Variants in CMIP observed in about 807,000 individuals in gnomAD.
CMIP encodes the protein C-Maf-inducing protein.
A neutral mutation model predicts 97.3 loss-of-function variants in CMIP; 13 were observed. That is an observed-to-expected ratio of 0.13 (90% CI 0.09 to 0.21). CMIP has a LOEUF of 0.21. CMIP is among the 10% of genes least tolerant of loss of function. The pLI is 1.00. For synonymous variants in CMIP, 538 were observed against 436.3 expected, an observed-to-expected ratio of 1.23 and a Z score of -2.91; for missense variants, 847 against 1,024.9, an observed-to-expected ratio of 0.83 and a Z score of 2.37.
At chr16:81,483,738 G>C (rs1204963413) in intron 1 of CMIP, among the ~76,000 whole-genome samples, 4 of 152,138 alleles carry the variant, frequency 2.6e-5, no homozygotes, top group African/African-American at 9.7e-5. Context: ...CCCTCCTCCA[G>C]CTATCCTCAG....
chr16:81,605,555 T>C (rs2091729055), intron 1 of CMIP, among the ~76,000 whole-genome samples: 1 of 152,166 alleles, frequency 6.6e-6, no homozygotes, highest in South Asian at 2.1e-4. Context: ...CCTACCAGCC[T>C]CTCCAGGAGT....
intron 1 of CMIP, among the ~76,000 whole-genome samples, chr16:81,568,067 G>T: frequency 7.3e-6 from 1 of 137,212 alleles, no homozygotes; most frequent in Non-Finnish European, 1.5e-5. Context: ...TTTTGAAGCT[G>T]GAAGAAACTG....
chr16:81,549,170 C>A (rs2090606192), intron 1 of CMIP, among the ~76,000 whole-genome samples: 1 of 152,204 alleles, frequency 6.6e-6, no homozygotes, highest in Non-Finnish European at 1.5e-5. Flanking sequence ...ACAAACCAGA[C>A]CCTAAGTGCA....
intron 3 of CMIP, among the ~76,000 whole-genome samples, chr16:81,646,887 A>C (rs189736878): frequency 2.0e-4 from 30 of 152,308 alleles, no homozygotes; most frequent in Admixed American, 1.5e-3. Flanking sequence ...TGATGAATTT[A>C]AGTTGTTTCT....
At chr16:81,605,124 A>G (rs981374156) in intron 1 of CMIP, among the ~76,000 whole-genome samples, 2 of 152,208 alleles carry the variant, frequency 1.3e-5, no homozygotes, top group African/African-American at 4.8e-5. Context: ...AGTGCTCAGG[A>G]CAAGACATAC....
chr16:81,547,735 TG>T (rs2090574745), intron 1 of CMIP, among the ~76,000 whole-genome samples: 1 of 152,064 alleles, frequency 6.6e-6, no homozygotes, highest in African/African-American at 2.4e-5. Flanking sequence ...CTCTTCCCTT[TG>T]GGGAAGTGCA....
At chr16:81,657,319 C>T (rs1002191716) in intron 4 of CMIP, among the ~76,000 whole-genome samples, 3 of 152,174 alleles carry the variant, frequency 2.0e-5, no homozygotes, top group African/African-American at 4.8e-5. Flanking sequence ...AAATCATATA[C>T]GTGTTACTCC....
chr16:81,685,298 C>G (rs1597247947), intron 10 of CMIP, among the ~76,000 whole-genome samples: 2 of 152,200 alleles, frequency 1.3e-5, no homozygotes, highest in African/African-American at 4.8e-5. Context: ...AGGCTTCTGT[C>G]CAGACCCCGC....
chr16:81,495,823 G>C lies in CMIP; in HGVS notation c.300+50282G>C, dbSNP rs540971768. Among the ~76,000 whole-genome samples the C allele has an allele frequency of 2.6e-5, 4 of 151,642 alleles. No homozygotes were observed. In the Middle Eastern group the frequency reaches 0.014, roughly 516 times the overall value. On this transcript the variant is annotated intron_variant, in intron 1 of 20. Transcript: ENST00000537098. Reference sequence around the variant, plus strand: ...ATCTGCTGGCCTCCCTTAGTGACTTGGCTGTTGGCTGTCATTTTCTTTCCA... The same window carrying C: ...ATCTGCTGGCCTCCCTTAGTGACTTCGCTGTTGGCTGTCATTTTCTTTCCA...
At chr16:81,642,146 G>T (rs2092313818) in intron 3 of CMIP, among the ~76,000 whole-genome samples, 1 of 152,262 alleles carries the variant, frequency 6.6e-6, no homozygotes, top group Non-Finnish European at 1.5e-5. Flanking sequence ...TCAGAACCCA[G>T]TGTGCGTGCT....
At chr16:81,497,374 C>A (rs1188194149) in intron 1 of CMIP, among the ~76,000 whole-genome samples, 1 of 152,164 alleles carries the variant, frequency 6.6e-6, no homozygotes, top group Admixed American at 6.5e-5. Context: ...ACTTGGGGCT[C>A]AGTGAGGTTG....
At chr16:81,560,632 A>C (rs895584066) in intron 1 of CMIP, among the ~76,000 whole-genome samples, 3 of 152,208 alleles carry the variant, frequency 2.0e-5, no homozygotes, top group Admixed American at 1.3e-4. Context: ...TCACTCACTC[A>C]CCCACCCAGA....
chr16:81,467,778 G>A (rs909464604), intron 1 of CMIP, among the ~76,000 whole-genome samples: 3 of 150,832 alleles, frequency 2.0e-5, no homozygotes, highest in Non-Finnish European at 2.9e-5. Flanking sequence ...ATGGGGTTTC[G>A]CCATCTTGCC....
At chr16:81,686,971 C>G (rs1905466831) in intron 10 of CMIP, among the ~76,000 whole-genome samples, 1 of 151,986 alleles carries the variant, frequency 6.6e-6, no homozygotes, top group African/African-American at 2.4e-5. Context: ...GGGCATCTCT[C>G]TGCAGCGCCT....
intron 1 of CMIP, among the ~76,000 whole-genome samples, chr16:81,474,714 A>G (rs1414528397): frequency 6.6e-6 from 1 of 152,188 alleles, no homozygotes; most frequent in Non-Finnish European, 1.5e-5. Context: ...GGCCGTGCTC[A>G]TGGCGCCCTC....
intron 13 of CMIP, 101 bp from the exon 14 acceptor site, chr16:81,696,459 A>C (rs534156375): frequency 8.6e-7 from 1 of 1,169,118 alleles, no homozygotes; most frequent in African/African-American, 1.5e-5. Context: ...TCTTGACTGC[A>C]GGACTTGCCT....
chr16:81,693,889 G>T (rs1007354782), intron 13 of CMIP, among the ~76,000 whole-genome samples: 5 of 152,204 alleles, frequency 3.3e-5, no homozygotes, highest in African/African-American at 1.2e-4. Context: ...GGTCATGGTG[G>T]CCAAGGGTTT....
chr16:81,607,415 G>A (rs2091761942), intron 1 of CMIP, 152 bp from the exon 2 acceptor site: 1 of 946,048 alleles, frequency 1.1e-6, no homozygotes, highest in African/African-American at 1.6e-5. Flanking sequence ...AAACAGGGAG[G>A]CTTGCTTTGG....
At chr16:81,699,871 C>G (rs2151094278) in intron 15 of CMIP, 70 bp downstream of exon 15, 6 of 1,087,132 alleles carry the variant, frequency 5.5e-6, no homozygotes, top group Non-Finnish European at 8.2e-6. Context: ...GATAGAGCAT[C>G]TGCTGGGAGC....
Sources: gnomAD v4.1 joint callset for allele counts (sites outside exome capture counted in the v4.1 genomes callset) on GRCh38, gnomAD v4.1.1 for gene constraint, MANE v1.5 for transcripts, NCBI Gene and HGNC (gene_info 2026-07-23, HGNC 2026-07-21) for gene names.